The following CNIH3 variants were observed in gnomAD, a reference collection of about 807,000 sequenced individuals.
CNIH3 encodes cornichon family AMPA receptor auxiliary protein 3, also known as protein cornichon homolog 3.
A neutral mutation model predicts 24.1 loss-of-function variants in CNIH3; 14 were observed. That is an observed-to-expected ratio of 0.58 (90% CI 0.38 to 0.91). The LOEUF is 0.91. Ranked by LOEUF, CNIH3 falls within the 40% of genes least tolerant of loss-of-function variation. The pLI, the probability that CNIH3 is intolerant of heterozygous loss-of-function variation, is 0.00. For missense variants in CNIH3, 178 were observed against 196.8 expected, an observed-to-expected ratio of 0.90 and a Z score of 0.57; for synonymous variants, 68 against 73.8, an observed-to-expected ratio of 0.92 and a Z score of 0.40.
At position 224,734,582 on chromosome 1, in the gene CNIH3, G is replaced by A. The variant is rs371231693; in HGVS notation, c.331G>A (p.Asp111Asn). 29 of 1,614,220 alleles carry A rather than the reference G, an allele frequency of 1.8e-5. No homozygotes were observed. The highest frequency in any genetic ancestry group is 2.2e-5 in the Non-Finnish European group (26 of 1,180,034). The stretch of plus-strand genomic sequence containing the variant: ...CTGCAGGTATTTCCACTGTCCAGCA[G>A]ATAGCTCAGAACTAGCCTACGACCC... ...HFWRYFHCPADSSELAYDPPV... is the reference protein window; with the variant it reads ...HFWRYFHCPANSSELAYDPPV... The change falls in exon 5 of 6, where the codon GAT becomes AAT. Residue 111 changes from aspartate to asparagine, a missense_variant. Coordinates refer to ENST00000272133, the MANE Select transcript of CNIH3 (RefSeq NM_152495.2).
At chr1:224,460,236 G>A (rs1487286148) in intron 1 of CNIH3, among the ~76,000 whole-genome samples, 1 of 152,092 alleles carries the variant, frequency 6.6e-6, no homozygotes, top group Admixed American at 6.5e-5. Flanking sequence ...CAGCCACAAT[G>A]AGGTATAATT....
At chr1:224,468,234 C>A (rs1256812832) in intron 1 of CNIH3, among the ~76,000 whole-genome samples, 1 of 152,060 alleles carries the variant, frequency 6.6e-6, no homozygotes, top group Non-Finnish European at 1.5e-5. Context: ...AGAAGCCTTG[C>A]TGGAATTTGG....
intron 4 of CNIH3, among the ~76,000 whole-genome samples, chr1:224,582,737 A>G (rs1257946026): frequency 6.6e-6 from 1 of 152,194 alleles, no homozygotes; most frequent in Non-Finnish European, 1.5e-5. Context: ...GACCTGCCAT[A>G]TGGAGGACTT....
chr1:224,476,983 G>C (rs1676613495), intron 1 of CNIH3, among the ~76,000 whole-genome samples: 1 of 152,162 alleles, frequency 6.6e-6, no homozygotes, highest in South Asian at 2.1e-4. Flanking sequence ...GCCTCACCCT[G>C]CTCCCAAGCA....
At chr1:224,683,362 C>T (rs1686495182) in intron 2 of CNIH3, among the ~76,000 whole-genome samples, 1 of 152,202 alleles carries the variant, frequency 6.6e-6, no homozygotes, top group African/African-American at 2.4e-5. Flanking sequence ...GACTGCTAGA[C>T]ACATTTTCCC....
At chr1:224,644,818 C>G (rs932714676) in intron 1 of CNIH3, among the ~76,000 whole-genome samples, 1 of 152,208 alleles carries the variant, frequency 6.6e-6, no homozygotes, top group African/African-American at 2.4e-5. Context: ...CCCAGAGAGG[C>G]TCAGGCAAAT....
At chr1:224,534,968 G>A (rs535347288) in intron 2 of CNIH3, among the ~76,000 whole-genome samples, 19 of 152,264 alleles carry the variant, frequency 1.2e-4, no homozygotes, top group Admixed American at 1.3e-4. Context: ...AGCCTCTTCA[G>A]AAACACCAGG....
chr1:224,539,065 C>G (rs1679409574), downstream of CNIH3, among the ~76,000 whole-genome samples: 1 of 147,826 alleles, frequency 6.8e-6, no homozygotes, highest in African/African-American at 2.5e-5. Context: ...ATATTCACCT[C>G]TAAATTTCTT....
chr1:224,739,635 C>A lies in CNIH3; in HGVS notation c.*279C>A. On this transcript the variant is annotated 3_prime_UTR_variant, in exon 6 of 6. Coordinates refer to ENST00000272133, the MANE Select transcript of CNIH3 (RefSeq NM_152495.2). ...ATCAGTGGTGTGGGGGAGTAGGTGA[C>A]GAAACACTAGACCTCTCCTGAGAGA... The A allele has an allele frequency of 1.9e-6, 1 of 535,606 alleles. No homozygotes were observed. Among genetic ancestry groups the A allele is most frequent in the Non-Finnish European group, 3.2e-6 (1 of 310,680 alleles). 33.2% of individuals were successfully genotyped at this position (535,606 alleles called of 1,614,324 possible).
chr1:224,660,390 C>T (rs1042856769), intron 1 of CNIH3, among the ~76,000 whole-genome samples: 15 of 152,124 alleles, frequency 9.9e-5, no homozygotes, highest in Non-Finnish European at 1.8e-4. Flanking sequence ...ATTATTGGAG[C>T]ATAATTCAAG....
intron 1 of CNIH3, among the ~76,000 whole-genome samples, chr1:224,501,972 G>A (rs770271592): frequency 1.5e-4 from 23 of 152,194 alleles, no homozygotes; most frequent in Admixed American, 2.6e-4. Flanking sequence ...GTAGGGTGGA[G>A]GGGCAGAGGA....
intron 1 of CNIH3, among the ~76,000 whole-genome samples, chr1:224,445,345 GT>G (rs770540468): frequency 2.0e-5 from 3 of 151,988 alleles, no homozygotes; most frequent in Non-Finnish European, 2.9e-5. Flanking sequence ...GGAGGCCAAG[GT>G]GGGTGGGTCA....
chr1:224,712,593 G>A (rs1360273484), intron 3 of CNIH3, among the ~76,000 whole-genome samples: 1 of 152,180 alleles, frequency 6.6e-6, no homozygotes, highest in Non-Finnish European at 1.5e-5. Context: ...AAGGGTAGCA[G>A]GAACTTGTAA....
At chr1:224,685,540 G>A (rs936625132) in intron 3 of CNIH3, among the ~76,000 whole-genome samples, 8 of 152,154 alleles carry the variant, frequency 5.3e-5, no homozygotes, top group African/African-American at 1.9e-4. Flanking sequence ...CAACTTGCCG[G>A]TAAAATAACC....
At chr1:224,438,822 G>T (rs1318918756) in intron 1 of CNIH3, among the ~76,000 whole-genome samples, 1 of 152,128 alleles carries the variant, frequency 6.6e-6, no homozygotes, top group Non-Finnish European at 1.5e-5. Flanking sequence ...AATGACATTG[G>T]CATACCTGCT....
chr1:224,726,883 T>TAAA (rs11461562), intron 3 of CNIH3, among the ~76,000 whole-genome samples: 1 of 147,270 alleles, frequency 6.8e-6, no homozygotes, highest in Admixed American at 6.8e-5. Flanking sequence ...CTTCTCTTAT[T>TAAA]AAAAAAAAAA....
At chr1:224,579,067 C>CTTTTTTTTTTTTTTTTT (rs60330387) in intron 4 of CNIH3, among the ~76,000 whole-genome samples, 2 of 138,936 alleles carry the variant, frequency 1.4e-5, no homozygotes, top group Non-Finnish European at 1.6e-5. Context: ...TTTCTTTTTT[C>CTTTTTTTTTTTTTTTTT]TTTTTTTTTT....
intron 3 of CNIH3, 49 bp from the exon 4 acceptor site, chr1:224,730,413 T>A: frequency 8.3e-7 from 1 of 1,199,452 alleles, no homozygotes; most frequent in Non-Finnish European, 1.2e-6. Context: ...GAAGCAGGAG[T>A]GGCGTTTTCC....
At chr1:224,597,980 G>T (rs146041606) in intron 3 of CNIH3, among the ~76,000 whole-genome samples, 1 of 152,238 alleles carries the variant, frequency 6.6e-6, no homozygotes, top group East Asian at 1.9e-4. Flanking sequence ...GAGAGTCCAC[G>T]GCAGAACTGA....
Sources: gnomAD v4.1 joint callset for allele counts (sites outside exome capture counted in the v4.1 genomes callset) on GRCh38, gnomAD v4.1.1 for gene constraint, MANE v1.5 for transcripts, NCBI Gene and HGNC (gene_info 2026-07-23, HGNC 2026-07-21) for gene names.